POLR1D: variants seen among roughly 807,000 people sequenced by gnomAD.
POLR1D encodes the protein DNA-directed RNA polymerases I and III subunit RPAC2.
Under a neutral mutation model 10.8 loss-of-function variants are expected in POLR1D, and 8 were observed. The ratio of observed to expected loss-of-function variants is 0.74; its 90% confidence interval spans 0.43 to 1.33. The LOEUF (loss-of-function observed/expected upper bound fraction) is 1.33. POLR1D is among the 40% of genes most tolerant of loss of function. POLR1D has a pLI of 0.01. For missense variants in POLR1D, 152 were observed against 161.7 expected (o/e 0.94, Z 0.32); for synonymous variants, 54 against 57.2 (o/e 0.94, Z 0.25).
In POLR1D at chr13:27,623,034, C is replaced by A. The variant is rs376583398; in HGVS notation, c.186C>A (p.Asn62Lys). ...GNSLRYMIMK[N>K]PEVEFCGYTT... is the part of the protein sequence containing the mutation. Reference sequence around the variant, plus strand: ...CTCTACGTTACATGATCATGAAGAACCCGGAAGTGGAATTTTGTGGTTACA... The same window carrying A: ...CTCTACGTTACATGATCATGAAGAAACCGGAAGTGGAATTTTGTGGTTACA... The change falls in exon 2 of 2, where the codon AAC becomes AAA. Residue 62 changes from asparagine (N) to lysine (K), a missense_variant. Coordinates refer to ENST00000302979, the MANE Select transcript of POLR1D (RefSeq NM_015972.4). 26 of 1,613,846 alleles carry A rather than the reference C, an allele frequency of 1.6e-5. No homozygotes were observed. In the African/African-American group the frequency reaches 3.2e-4, roughly 20 times the overall value.
At chr13:27,624,290 T>C (rs1212758852), downstream of POLR1D, among the ~76,000 whole-genome samples, 1 of 152,216 alleles carries the variant, frequency 6.6e-6, no homozygotes, top group African/African-American at 2.4e-5. Context: ...GTGCTTATCT[T>C]GTTTACCCAC....
chr13:27,662,399 TATC>T (rs1012960306), intron 2 of POLR1D, among the ~76,000 whole-genome samples: 74 of 151,656 alleles, frequency 4.9e-4, no homozygotes, highest in African/African-American at 1.8e-3. Context: ...TTCAACATGG[TATC>T]ATTTCTTCAG....
rs1017516677 is a variant in POLR1D at position 27,622,187 on chromosome 13, A to C, written c.26+178A>C. On this transcript the variant is annotated intron_variant, in intron 1 of 1. Coordinates refer to ENST00000302979, the MANE Select transcript of POLR1D (RefSeq NM_015972.4). ...CAGTTGAGAGGCTGAGAGGTACACTAGCTATCAAGGAGGGAAGACAAGTTG... is the reference window on the plus strand; with the variant it reads ...CAGTTGAGAGGCTGAGAGGTACACTCGCTATCAAGGAGGGAAGACAAGTTG... 1.1e-5 allele frequency: 7 copies of C among 641,980 alleles called. No individual in the cohort carries two copies. The African/African-American group carries it at 1.3e-4, about 12-fold the overall frequency. The allele number at this position is 641,980 out of a possible 1,614,324, so 39.8% of individuals were successfully genotyped here.
chr13:27,661,220 T>C (rs1339069060), intron 2 of POLR1D, among the ~76,000 whole-genome samples: 2 of 152,180 alleles, frequency 1.3e-5, no homozygotes, highest in African/African-American at 4.8e-5. Context: ...TTGCTTTCCT[T>C]TTAAAGTTTA....
chr13:27,661,599 T>C (rs2138573280), intron 2 of POLR1D, among the ~76,000 whole-genome samples: 1 of 152,238 alleles, frequency 6.6e-6, no homozygotes, highest in African/African-American at 2.4e-5. Context: ...GCTCAGATGG[T>C]TACCCTAAAG....
intron 2 of POLR1D, chr13:27,664,992 A>C (rs956771643): frequency 2.6e-5 from 4 of 152,556 alleles, no homozygotes; most frequent in African/African-American, 9.7e-5. Context: ...AGATCTAAGC[A>C]CATTAATTAG....
intron 2 of POLR1D, among the ~76,000 whole-genome samples, chr13:27,659,906 G>GTATATATA (rs142807905): frequency 0.021 from 3,050 of 145,050 alleles, 101 homozygotes; most frequent in African/African-American, 0.063. Context: ...TATCTCAGGT[G>GTATATATA]TATATATATA....
At chr13:27,622,148 A>G in intron 1 of POLR1D, 139 bp downstream of exon 1, 1 of 737,990 alleles carries the variant, frequency 1.4e-6, no homozygotes, top group Admixed American at 2.2e-5. Context: ...TGGGGAGGAG[A>G]CATGAATGTG....
intron 2 of POLR1D, among the ~76,000 whole-genome samples, chr13:27,662,196 G>A (rs973963935): frequency 1.3e-5 from 2 of 152,132 alleles, no homozygotes; most frequent in African/African-American, 4.8e-5. Context: ...AATTCCGGAT[G>A]TATTAGCCTA....
chr13:27,632,576 T>G (rs1177731429), intron 1 of POLR1D, among the ~76,000 whole-genome samples: 1 of 152,162 alleles, frequency 6.6e-6, no homozygotes, highest in Non-Finnish European at 1.5e-5. Flanking sequence ...CAAAGAGCTG[T>G]GTAGTAAAGA....
In POLR1D at chr13:27,623,343, A is replaced by T. The variant is rs553357664; in HGVS notation, c.*93A>T. On this transcript the variant is annotated 3_prime_UTR_variant, in exon 2 of 2. Coordinates refer to ENST00000302979, the MANE Select transcript of POLR1D (RefSeq NM_015972.4). ...AATTAGAAGTTTGTGGTTACAGCAT[A>T]CTCTGTCCTTCAGAAAGGCGTGATT... The T allele has an allele frequency of 7.5e-5, 118 of 1,579,078 alleles. 4 individuals are homozygous for T. The South Asian group carries it at 1.2e-3, about 17-fold the overall frequency.
chr13:27,665,118 C>G (rs1389954759), intron 2 of POLR1D: 1 of 155,900 alleles, frequency 6.4e-6, no homozygotes, highest in Non-Finnish European at 1.4e-5. Flanking sequence ...CTCCACAGAG[C>G]ATAGCCTGGC....
chr13:27,633,039 A>G (rs181992167), intron 1 of POLR1D, among the ~76,000 whole-genome samples: 170 of 152,320 alleles, frequency 1.1e-3, no homozygotes, highest in African/African-American at 3.8e-3. Flanking sequence ...AGTTTGTCAC[A>G]TGTAGTTGGC....
intron 1 of POLR1D, 109 bp downstream of exon 1, chr13:27,622,118 A>G: frequency 1.1e-6 from 1 of 910,902 alleles, no homozygotes; most frequent in Admixed American, 2.0e-5. Flanking sequence ...GGGCGCAGAG[A>G]AGAAGCATGG....
At chr13:27,638,365 G>T (rs1956145363) in intron 1 of POLR1D, among the ~76,000 whole-genome samples, 1 of 152,030 alleles carries the variant, frequency 6.6e-6, no homozygotes, top group Non-Finnish European at 1.5e-5. Context: ...TTCTTCCTGG[G>T]GTTAAAAATG....
intron 1 of POLR1D, among the ~76,000 whole-genome samples, chr13:27,641,764 A>G (rs974894905): frequency 6.6e-6 from 1 of 152,168 alleles, no homozygotes; most frequent in African/African-American, 2.4e-5. Flanking sequence ...GGCTTGGTGG[A>G]GAGGTAATGT....
rs577413952 is a variant in POLR1D, at chr13:27,643,609, AT to A, written c.27-4763del. 3.9e-3 allele frequency among the ~76,000 whole-genome samples: 597 copies of A among 152,190 alleles called. 6 individuals carry two copies. Among genetic ancestry groups the A allele is most frequent in the African/African-American group, 0.014 (572 of 41,544 alleles). On this transcript the variant is annotated intron_variant, in intron 1 of 2. Coordinates refer to the POLR1D transcript ENST00000399697. Reference sequence around the variant, plus strand: ...CAGAGTGATCTGATCATCTGTCTATATTTTTTTAATCAATGACCTGACATCA... The same window carrying A: ...CAGAGTGATCTGATCATCTGTCTATATTTTTTAATCAATGACCTGACATCA...
intron 2 of POLR1D, among the ~76,000 whole-genome samples, chr13:27,649,779 C>T (rs987874020): frequency 2.0e-5 from 3 of 152,134 alleles, no homozygotes; most frequent in Non-Finnish European, 4.4e-5. Context: ...GTGAGCACCC[C>T]GGTGCCAAAA....
At position 27,622,889 on chromosome 13, in the gene POLR1D, TGAA is replaced by T. The variant is rs752153066; in HGVS notation, c.44_46del (p.Lys15del). On this transcript the variant is annotated inframe_deletion, in exon 2 of 2. Transcript: ENST00000302979. ...TATGTGTGTAGAAAAATATCTGGAT[TGAA>T]GACCTCAATGGCTGAAGGCGAGAGG... 6.2e-7 allele frequency: 1 copy of T among 1,606,882 alleles called. No individual in the cohort carries two copies. The highest frequency in any genetic ancestry group is 8.5e-7 in the Non-Finnish European group (1 of 1,173,554).
Sources: gnomAD v4.1 joint callset for allele counts (sites outside exome capture counted in the v4.1 genomes callset) on GRCh38, gnomAD v4.1.1 for gene constraint, MANE v1.5 for transcripts, NCBI Gene and HGNC (gene_info 2026-07-23, HGNC 2026-07-21) for gene names.